The following GPC6 variants were observed in gnomAD, a reference collection of about 807,000 sequenced individuals.
GPC6 encodes glypican 6.
GPC6 carries 14 observed loss-of-function variants against 55.2 expected under a neutral mutation model. That is an observed-to-expected ratio of 0.25 (90% CI 0.17 to 0.40). The LOEUF (loss-of-function observed/expected upper bound fraction) is 0.40, where lower values mean the gene tolerates loss of function less well. Among genes scored for constraint, GPC6 ranks in the 10% least tolerant of loss-of-function variants. The probability of loss-of-function intolerance (pLI) is 1.00; values close to 1 mark genes in which losing one functional copy is unlikely to be tolerated. For missense variants in GPC6, 641 were observed against 708.5 expected (o/e 0.90, Z 1.08); for synonymous variants, 278 against 259.6 (o/e 1.07, Z -0.68).
rs536261621 is a variant in GPC6 at position 93,598,277 on chromosome 13, A to G, written c.319+52856A>G. On this transcript the variant is annotated intron_variant, in intron 2 of 8. Transcript: ENST00000377047. ...ATGGTGATGTTAACACATCGAGTCC[A>G]GGCTTGTTTCTGTGCATATCATGAT... Among the ~76,000 whole-genome samples, 4 of 152,330 alleles carry G rather than the reference A, an allele frequency of 2.6e-5. No individual in the cohort carries two copies. The South Asian group carries it at 8.3e-4, about 32-fold the overall frequency.
At chr13:93,259,407 T>C (rs1877061482) in intron 1 of GPC6, among the ~76,000 whole-genome samples, 1 of 152,162 alleles carries the variant, frequency 6.6e-6, no homozygotes, top group African/African-American at 2.4e-5. Flanking sequence ...TAATCAGATT[T>C]ATGTAGAAGC....
intron 3 of GPC6, among the ~76,000 whole-genome samples, chr13:93,885,151 G>T (rs1875246582): frequency 1.3e-5 from 2 of 151,946 alleles, no homozygotes; most frequent in African/African-American, 4.8e-5. Flanking sequence ...CATTAACTAT[G>T]TTGGCAGAGT....
intron 1 of GPC6, among the ~76,000 whole-genome samples, chr13:93,391,184 T>G (rs971383537): frequency 5.3e-5 from 8 of 152,216 alleles, no homozygotes; most frequent in Non-Finnish European, 1.0e-4. Flanking sequence ...TTAGGAGCAG[T>G]GTAATTTAGA....
At chr13:93,742,674 A>G (rs1246320954) in intron 2 of GPC6, among the ~76,000 whole-genome samples, 1 of 152,154 alleles carries the variant, frequency 6.6e-6, no homozygotes, top group Non-Finnish European at 1.5e-5. Flanking sequence ...CCGTGTCTAT[A>G]TAGCTCATCA....
chr13:94,315,261 C>T (rs1396106813), intron 6 of GPC6, among the ~76,000 whole-genome samples: 2 of 152,200 alleles, frequency 1.3e-5, no homozygotes, highest in Non-Finnish European at 2.9e-5. Context: ...CTGTATTGAT[C>T]CAGATGGACC....
intron 2 of GPC6, among the ~76,000 whole-genome samples, chr13:93,647,399 T>A (rs1880218769): frequency 6.6e-6 from 1 of 152,140 alleles, no homozygotes; most frequent in Non-Finnish European, 1.5e-5. Context: ...GGAGAAAAGA[T>A]ATGTGCTGAA....
chr13:93,451,358 T>C (rs1268029118), intron 1 of GPC6, among the ~76,000 whole-genome samples: 2 of 152,232 alleles, frequency 1.3e-5, no homozygotes. Context: ...TGTATTAAAA[T>C]AGGGTTTGGC....
intron 1 of GPC6, among the ~76,000 whole-genome samples, chr13:93,516,522 G>A (rs1881198792): frequency 6.6e-6 from 1 of 151,976 alleles, no homozygotes; most frequent in Admixed American, 6.6e-5. Flanking sequence ...CAAGAGACAG[G>A]CATAGGTTTT....
Position 94,138,946 on chromosome 13 carries a change from G to A in GPC6, c.877+111052G>A, listed in dbSNP as rs183909782. On this transcript the variant is annotated intron_variant, in intron 4 of 8. Transcript: ENST00000377047. ...GAAACCAGATAACTTACTATATACCGGGATAAGGAATGTGATTATGGTAAG... is the reference window on the plus strand; with the variant it reads ...GAAACCAGATAACTTACTATATACCAGGATAAGGAATGTGATTATGGTAAG... Among the ~76,000 whole-genome samples, 1,228 of 152,192 alleles carry A rather than the reference G, an allele frequency of 8.1e-3. 11 individuals carry two copies. Among genetic ancestry groups the A allele is most frequent in the Non-Finnish European group, 0.013 (899 of 67,996 alleles).
chr13:94,092,313 T>G (rs1159663675), intron 4 of GPC6, among the ~76,000 whole-genome samples: 3 of 152,090 alleles, frequency 2.0e-5, no homozygotes, highest in Non-Finnish European at 4.4e-5. Context: ...CACTTGCCCC[T>G]GCCAACCACC....
intron 3 of GPC6, among the ~76,000 whole-genome samples, chr13:93,831,416 G>A (rs1015275641): frequency 5.9e-5 from 9 of 152,078 alleles, no homozygotes; most frequent in African/African-American, 1.9e-4. Flanking sequence ...AAAATAATAC[G>A]TAACAGGAAT....
At chr13:94,186,551 T>C (rs1889194595) in intron 4 of GPC6, among the ~76,000 whole-genome samples, 2 of 152,200 alleles carry the variant, frequency 1.3e-5, no homozygotes, top group African/African-American at 2.4e-5. Context: ...CAACAGATTC[T>C]TTGAAACCAT....
At chr13:93,726,127 C>T (rs1171594535) in intron 2 of GPC6, among the ~76,000 whole-genome samples, 1 of 151,032 alleles carries the variant, frequency 6.6e-6, no homozygotes, top group African/African-American at 2.4e-5. Flanking sequence ...CACACACACA[C>T]ACACACACAC....
chr13:93,389,045 C>T (rs1566331021), intron 1 of GPC6, among the ~76,000 whole-genome samples: 1 of 152,090 alleles, frequency 6.6e-6, no homozygotes, highest in Non-Finnish European at 1.5e-5. Context: ...ATCTATTGAG[C>T]TGCAGTATTC....
intron 3 of GPC6, among the ~76,000 whole-genome samples, chr13:93,984,558 C>T (rs956629794): frequency 3.9e-5 from 6 of 152,128 alleles, no homozygotes; most frequent in Non-Finnish European, 5.9e-5. Context: ...TATCATAGGA[C>T]TTTCCTTAGA....
chr13:94,125,917 A>C (rs1223816657), intron 4 of GPC6, among the ~76,000 whole-genome samples: 1 of 152,180 alleles, frequency 6.6e-6, no homozygotes, highest in Non-Finnish European at 1.5e-5. Flanking sequence ...ATTTCTGTGC[A>C]ATATTATATC....
chr13:94,140,916 A>AT (rs1887352449), intron 4 of GPC6, among the ~76,000 whole-genome samples: 1 of 151,840 alleles, frequency 6.6e-6, no homozygotes, highest in African/African-American at 2.4e-5. Context: ...ATGATATAAT[A>AT]TAAATATATA....
At chr13:93,473,415 AC>A (rs927076759) in intron 1 of GPC6, among the ~76,000 whole-genome samples, 3 of 152,028 alleles carry the variant, frequency 2.0e-5, no homozygotes, top group African/African-American at 7.2e-5. Context: ...CTTGGCCCCA[AC>A]CCCACTACAA....
At chr13:93,590,602 T>TA (rs1394587738) in intron 2 of GPC6, among the ~76,000 whole-genome samples, 1 of 152,050 alleles carries the variant, frequency 6.6e-6, no homozygotes, top group Non-Finnish European at 1.5e-5. Context: ...ATAAGTTTTT[T>TA]AAAAAAAGCA....
Sources: gnomAD v4.1 joint callset for allele counts (sites outside exome capture counted in the v4.1 genomes callset) on GRCh38, gnomAD v4.1.1 for gene constraint, MANE v1.5 for transcripts, NCBI Gene and HGNC (gene_info 2026-07-23, HGNC 2026-07-21) for gene names.